The following DPP6 variants were observed in gnomAD, a reference collection of about 807,000 sequenced individuals.
The protein encoded by DPP6 is dipeptidyl peptidase like 6, also known as A-type potassium channel modulatory protein DPP6.
A neutral mutation model predicts 122.6 loss-of-function variants in DPP6; 69 were observed. The ratio of observed to expected loss-of-function variants is 0.56; its 90% CI spans 0.46 to 0.69. The LOEUF is 0.69. DPP6 is among the 30% of genes least tolerant of loss of function. The pLI is 0.00. For synonymous variants in DPP6, 418 were observed against 433.1 expected (o/e 0.97, Z 0.43); for missense variants, 928 against 1,116.9 (o/e 0.83, Z 2.41).
At chr7:154,190,559 T>C (rs1798567659) in intron 1 of DPP6, among the ~76,000 whole-genome samples, 1 of 152,232 alleles carries the variant, frequency 6.6e-6, no homozygotes, top group Non-Finnish European at 1.5e-5. Context: ...AATTTTTTTC[T>C]GCAAATATGT....
At chr7:154,753,978 C>T (rs897289691) in intron 8 of DPP6, among the ~76,000 whole-genome samples, 2 of 152,184 alleles carry the variant, frequency 1.3e-5, no homozygotes, top group South Asian at 4.1e-4. Flanking sequence ...AATTAATCAT[C>T]GGATATAGTT....
At chr7:153,767,891 C>T in the DPP6 span, among the ~76,000 whole-genome samples, 45 of 152,198 alleles carry the variant, frequency 3.0e-4, no homozygotes, top group African/African-American at 1.0e-3. Flanking sequence ...GATGTGTCCC[C>T]GTGGCAGGTG....
At chr7:153,783,788 C>G in the DPP6 span, among the ~76,000 whole-genome samples, 1 of 152,190 alleles carries the variant, frequency 6.6e-6, no homozygotes, top group Non-Finnish European at 1.5e-5. Flanking sequence ...TCACTGCCAA[C>G]TGCACACATA....
chr7:154,146,635 A>G (rs1796098036), intron 1 of DPP6, among the ~76,000 whole-genome samples: 1 of 152,272 alleles, frequency 6.6e-6, no homozygotes, highest in South Asian at 2.1e-4. Context: ...CCATCAGCAA[A>G]TGACCACGTT....
At chr7:154,112,385 C>A (rs1806652345) in intron 1 of DPP6, among the ~76,000 whole-genome samples, 1 of 152,070 alleles carries the variant, frequency 6.6e-6, no homozygotes, top group African/African-American at 2.4e-5. Flanking sequence ...TGGCTCACAC[C>A]TTTAATCCCA....
chr7:154,370,755 T>C (rs1348071969), intron 1 of DPP6, among the ~76,000 whole-genome samples: 2 of 152,196 alleles, frequency 1.3e-5, no homozygotes, highest in African/African-American at 4.8e-5. Context: ...ATTCTCTACC[T>C]CAGAACCTGA....
chr7:154,265,078 G>C (rs1187849110), intron 1 of DPP6, among the ~76,000 whole-genome samples: 308 of 2,458 alleles, frequency 0.13, 25 homozygotes, highest in African/African-American at 0.15. Context: ...TAATGGTGAT[G>C]ATGATGGTGA....
rs2129071575 is a variant in DPP6 at position 154,060,870 on chromosome 7, T to TCG, written c.243+7808_243+7809insGC. 2.4e-5 allele frequency among the ~76,000 whole-genome samples: 3 copies of TCG among 125,592 alleles called. No homozygotes were observed. The South Asian group carries it at 7.9e-4, about 33-fold the overall frequency. The allele number at this position is 125,592 out of a possible 152,430, so 82.4% of individuals were successfully genotyped here. The stretch of plus-strand genomic sequence containing the variant: ...CCCCCACTGGCTCTTAGGACCCACA[T>TCG]CACAGAGTGGGGAGGCACCCCCCAC... On this transcript the variant is annotated intron_variant, in intron 1 of 25. Coordinates refer to ENST00000377770, the MANE Select transcript of DPP6 (RefSeq NM_130797.4).
the DPP6 span, among the ~76,000 whole-genome samples, chr7:153,775,924 A>C: frequency 6.6e-6 from 1 of 152,178 alleles, no homozygotes; most frequent in Admixed American, 6.6e-5. Flanking sequence ...TTTTTAAAAA[A>C]GCTAAATCAT....
chr7:154,505,723 T>C (rs969441375), intron 3 of DPP6, among the ~76,000 whole-genome samples: 1 of 152,188 alleles, frequency 6.6e-6, no homozygotes, highest in African/African-American at 2.4e-5. Context: ...TCATCACATA[T>C]CTAAGGAACA....
intron 1 of DPP6, among the ~76,000 whole-genome samples, chr7:154,217,533 C>G (rs1800071921): frequency 6.6e-6 from 1 of 152,068 alleles, no homozygotes; most frequent in Admixed American, 6.5e-5. Context: ...TAGGGTGGAC[C>G]TCTTCTTACA....
rs12670708 is a variant in DPP6, at chr7:154,154,979, G to A, written c.243+101916G>A. Among the ~76,000 whole-genome samples, 1,278 of 152,268 alleles carry A rather than the reference G, an allele frequency of 8.4e-3. 61 individuals are homozygous for A. In the East Asian group the frequency reaches 0.13, roughly 16 times the overall value. ...GCCAACAGCTGAACCAAAATGCTCAGGAGGTGGGCTGGGCAGCCCTGGGCT... is the reference window on the plus strand; with the variant it reads ...GCCAACAGCTGAACCAAAATGCTCAAGAGGTGGGCTGGGCAGCCCTGGGCT... On this transcript the variant is annotated intron_variant, in intron 1 of 25. Transcript: ENST00000377770.
At chr7:154,673,881 CTTT>C (rs57963702) in intron 7 of DPP6, among the ~76,000 whole-genome samples, 2 of 143,688 alleles carry the variant, frequency 1.4e-5, no homozygotes, top group Admixed American at 7.0e-5. Context: ...ATGTTTCTTT[CTTT>C]TTTTTTTTTT....
At chr7:154,387,120 A>C (rs1426272426) in intron 1 of DPP6, among the ~76,000 whole-genome samples, 1 of 152,192 alleles carries the variant, frequency 6.6e-6, no homozygotes, top group East Asian at 1.9e-4. Flanking sequence ...ATAGACTTCA[A>C]GTAACAGCAT....
In DPP6 at chr7:154,138,995, G is replaced by A. The variant is rs566864694; in HGVS notation, c.243+85932G>A. 3.9e-5 allele frequency among the ~76,000 whole-genome samples: 6 copies of A among 152,144 alleles called. No homozygotes were observed. In the South Asian group the frequency reaches 6.2e-4, roughly 16 times the overall value. ...TGAATTACTGTGAATCCATTTATGC[G>A]GCTCTCTTCTCTAAGAGCAGAGGAA... On this transcript the variant is annotated intron_variant, in intron 1 of 25. Transcript: ENST00000377770.
chr7:154,008,136 A>T (rs1797991678), intron 1 of DPP6, among the ~76,000 whole-genome samples: 2 of 152,170 alleles, frequency 1.3e-5, no homozygotes, highest in East Asian at 1.9e-4. Context: ...TATTGTTGCA[A>T]CAATCCAGGG....
intron 1 of DPP6, among the ~76,000 whole-genome samples, chr7:153,891,736 T>C (rs959976970): frequency 2.0e-5 from 3 of 152,196 alleles, no homozygotes; most frequent in African/African-American, 7.2e-5. Context: ...GGAGTAAAGA[T>C]TAAAGACTAA....
chr7:154,640,129 C>T (rs1835975960), intron 6 of DPP6, among the ~76,000 whole-genome samples: 1 of 152,070 alleles, frequency 6.6e-6, no homozygotes, highest in African/African-American at 2.4e-5. Context: ...GTGCACACCT[C>T]TAGTCCCAGC....
At chr7:154,693,753 C>T (rs909363885) in intron 7 of DPP6, among the ~76,000 whole-genome samples, 14 of 152,192 alleles carry the variant, frequency 9.2e-5, no homozygotes, top group African/African-American at 2.7e-4. Flanking sequence ...CCTGGCCATG[C>T]CCCAACCCTG....
Sources: allele counts gnomAD v4.1 joint callset (sites outside exome capture counted in the v4.1 genomes callset), GRCh38; gene constraint gnomAD v4.1.1; transcripts MANE v1.5; gene names NCBI Gene and HGNC (gene_info 2026-07-23, HGNC 2026-07-21).